ADAMTS3: variants seen among roughly 807,000 people sequenced by gnomAD.
The protein encoded by ADAMTS3 is A disintegrin and metalloproteinase with thrombospondin motifs 3.
In ADAMTS3, 73 loss-of-function variants were observed where a neutral mutation model predicts 129.0. That is an observed-to-expected ratio of 0.57 (90% CI 0.47 to 0.69). The LOEUF (loss-of-function observed/expected upper bound fraction) is 0.69. ADAMTS3 is among the 30% of genes least tolerant of loss of function. The pLI is 0.00. For missense variants in ADAMTS3, 1,457 were observed against 1,514.5 expected (o/e 0.96, Z 0.63); for synonymous variants, 477 against 510.8 (o/e 0.93, Z 0.89).
Position 72,319,366 on chromosome 4 carries a change from G to A in ADAMTS3, c.1318C>T (p.Arg440Ter), listed in dbSNP as rs1719491043. 1.9e-6 allele frequency: 3 copies of A among 1,613,656 alleles called. No individual in the cohort carries two copies. Among genetic ancestry groups the A allele is most frequent in the Non-Finnish European group, 1.7e-6 (2 of 1,179,894 alleles). The part of the protein sequence containing the change: ...QAAFHRYHWS[R>*]CSGQELKRYI... ...CTTTTCAGTTCTTGACCACTGCATC[G>A]GGACCAGTGGTAACGATGGAATGCT... is the stretch of plus-strand genomic sequence containing the variant. The change falls in exon 9 of 22, where the codon CGA becomes TGA. Residue 440 changes from arginine (R) to a stop codon, truncating the protein, a stop_gained. Transcript: ENST00000286657. LOFTEE classifies it high-confidence loss of function.
At chr4:72,553,208 G>C (rs545401824) in intron 2 of ADAMTS3, among the ~76,000 whole-genome samples, 2 of 152,200 alleles carry the variant, frequency 1.3e-5, no homozygotes, top group African/African-American at 4.8e-5. Context: ...TGCTTGGAAA[G>C]CTTGTGTATA....
intron 3 of ADAMTS3, among the ~76,000 whole-genome samples, chr4:72,533,962 T>C (rs975221581): frequency 2.0e-5 from 3 of 152,184 alleles, no homozygotes; most frequent in Non-Finnish European, 4.4e-5. Flanking sequence ...GGTGCTTTGA[T>C]CTCTTCCTCG....
chr4:72,471,528 ATT>A, intron 3 of ADAMTS3, among the ~76,000 whole-genome samples: 1 of 152,206 alleles, frequency 6.6e-6, no homozygotes, highest in Middle Eastern at 3.4e-3. Context: ...ATTTTAAAAT[ATT>A]TGTTTCATTT....
At chr4:72,303,645 A>G (rs757472341) in intron 17 of ADAMTS3, among the ~76,000 whole-genome samples, 1 of 152,080 alleles carries the variant, frequency 6.6e-6, no homozygotes, top group Non-Finnish European at 1.5e-5. Flanking sequence ...AAATACAAAA[A>G]TCTACTTTTA....
chr4:72,489,483 C>A (rs788921), intron 3 of ADAMTS3, among the ~76,000 whole-genome samples: 150,359 of 152,042 alleles, frequency 0.99, 74,370 homozygotes, highest in Middle Eastern at 1. Context: ...TCCTTGCTGT[C>A]TATACTACCC....
chr4:72,431,285 C>T (rs576070444), intron 3 of ADAMTS3, among the ~76,000 whole-genome samples: 1 of 151,926 alleles, frequency 6.6e-6, no homozygotes, highest in East Asian at 2.0e-4. Flanking sequence ...CCAGGAACTG[C>T]GGATAATACG....
chr4:72,376,287 T>C (rs893176128), intron 4 of ADAMTS3, among the ~76,000 whole-genome samples: 2 of 152,186 alleles, frequency 1.3e-5, no homozygotes, highest in African/African-American at 4.8e-5. Context: ...GATGGCCCAT[T>C]CCTCATAGAC....
chr4:72,417,940 A>C (rs1722350096), intron 3 of ADAMTS3, among the ~76,000 whole-genome samples: 1 of 150,418 alleles, frequency 6.6e-6, no homozygotes, highest in Non-Finnish European at 1.5e-5. Context: ...CTCAAAAAAA[A>C]AAAAGTAAGT....
intron 16 of ADAMTS3, among the ~76,000 whole-genome samples, chr4:72,305,165 G>A (rs562197401): frequency 2.4e-4 from 36 of 152,050 alleles, no homozygotes; most frequent in African/African-American, 7.5e-4. Context: ...GTTTACACTT[G>A]TCTATACAAT....
chr4:72,427,291 C>A (rs1722596790), intron 3 of ADAMTS3, among the ~76,000 whole-genome samples: 1 of 152,116 alleles, frequency 6.6e-6, no homozygotes, highest in South Asian at 2.1e-4. Context: ...AGAGCCTAAG[C>A]TGAAAGTTTC....
chr4:72,380,475 T>C (rs1202976943), intron 4 of ADAMTS3, among the ~76,000 whole-genome samples: 1 of 152,130 alleles, frequency 6.6e-6, no homozygotes, highest in Non-Finnish European at 1.5e-5. Context: ...AAGGCAGTAA[T>C]GATTATTATG....
chr4:72,470,376 TACAC>T (rs373903285), intron 3 of ADAMTS3, among the ~76,000 whole-genome samples: 4,602 of 137,896 alleles, frequency 0.033, 272 homozygotes, highest in African/African-American at 0.12. Context: ...TATATATATA[TACAC>T]ACACACACAC....
intron 21 of ADAMTS3, among the ~76,000 whole-genome samples, chr4:72,284,064 A>G (rs374885400): frequency 2.6e-5 from 4 of 152,154 alleles, no homozygotes; most frequent in African/African-American, 9.7e-5. Flanking sequence ...GGGCATCTGT[A>G]TTTTTATTTT....
intron 3 of ADAMTS3, among the ~76,000 whole-genome samples, chr4:72,546,800 G>A (rs1478189529): frequency 2.0e-5 from 3 of 152,122 alleles, no homozygotes; most frequent in Non-Finnish European, 2.9e-5. Context: ...GACTCTGTGG[G>A]AGAAATCTAT....
At chr4:72,368,963 G>A (rs1054214143) in intron 4 of ADAMTS3, among the ~76,000 whole-genome samples, 4 of 152,078 alleles carry the variant, frequency 2.6e-5, no homozygotes, top group Admixed American at 6.6e-5. Flanking sequence ...TGCTGTTTTC[G>A]CTACACTATA....
chr4:72,537,328 T>G (rs1276930805), intron 3 of ADAMTS3, among the ~76,000 whole-genome samples: 1 of 152,238 alleles, frequency 6.6e-6, no homozygotes, highest in African/African-American at 2.4e-5. Context: ...TAGCCTTTTT[T>G]GTTACTCCCT....
intron 3 of ADAMTS3, among the ~76,000 whole-genome samples, chr4:72,528,551 T>C (rs1720875583): frequency 6.6e-6 from 1 of 150,696 alleles, no homozygotes. Context: ...AGATGCTGCT[T>C]CTCCTTCACT....
rs1477735238 is a variant in ADAMTS3 at position 72,568,976 on chromosome 4, C to T, written c.-214G>A. 3.3e-6 allele frequency: 2 copies of T among 603,356 alleles called. No individual in the cohort carries two copies. The highest frequency in any genetic ancestry group is 5.9e-6 in the Non-Finnish European group (2 of 337,682). 37.4% of individuals were successfully genotyped at this position (603,356 alleles called of 1,614,324 possible). A position where few individuals can be genotyped will look rare whatever the true frequency, so the allele number is the denominator to read the frequency against. On this transcript the variant is annotated 5_prime_UTR_variant, in exon 1 of 22. Transcript: ENST00000286657. ...TCTGCAGTTTTTTCCACTTCACCTT[C>T]TCACCCCGTCCTCCCAACACAGAGT...
chr4:72,314,519 C>T (rs1227150368), intron 11 of ADAMTS3, among the ~76,000 whole-genome samples: 4 of 152,136 alleles, frequency 2.6e-5, no homozygotes, highest in Non-Finnish European at 5.9e-5. Flanking sequence ...CCATTTTCCT[C>T]TCTAACATTT....
Sources: gnomAD v4.1 joint callset for allele counts (sites outside exome capture counted in the v4.1 genomes callset) on GRCh38, gnomAD v4.1.1 for gene constraint, MANE v1.5 for transcripts, NCBI Gene and HGNC (gene_info 2026-07-23, HGNC 2026-07-21) for gene names.